The following ZNF385D variants were observed in gnomAD, a reference collection of about 807,000 sequenced individuals.
The protein encoded by ZNF385D is zinc finger protein 659.
In ZNF385D, 15 loss-of-function variants were observed where a neutral mutation model predicts 35.8. That is an observed-to-expected ratio of 0.42 (90% CI 0.28 to 0.64). ZNF385D has a LOEUF of 0.64. Ranked by LOEUF, ZNF385D falls within the 30% of genes least tolerant of loss-of-function variation. ZNF385D has a pLI of 0.23. For missense variants in ZNF385D, 474 were observed against 494.6 expected (o/e 0.96, Z 0.39); for synonymous variants, 212 against 186.8 (o/e 1.13, Z -1.10).
intron 4 of ZNF385D, among the ~76,000 whole-genome samples, chr3:21,462,710 G>A (rs7623998): frequency 0.27 from 41,066 of 152,152 alleles, 6,192 homozygotes; most frequent in Middle Eastern, 0.42. Flanking sequence ...GGCCAGGCAC[G>A]GTGGCTTACG....
intron 3 of ZNF385D, among the ~76,000 whole-genome samples, chr3:21,997,557 G>GAAA (rs35859359): frequency 5.9e-4 from 86 of 145,220 alleles, no homozygotes; most frequent in African/African-American, 1.4e-3. Context: ...TATCTCTGCA[G>GAAA]AAAAAAAAAA....
intron 3 of ZNF385D, among the ~76,000 whole-genome samples, chr3:21,804,088 A>C (rs2072527344): frequency 6.6e-6 from 1 of 152,234 alleles, no homozygotes; most frequent in Non-Finnish European, 1.5e-5. Context: ...TTCAGTTGAG[A>C]AATCAGTGCT....
chr3:22,086,391 C>T (rs1393837824), intron 3 of ZNF385D, among the ~76,000 whole-genome samples: 1 of 151,656 alleles, frequency 6.6e-6, no homozygotes, highest in Non-Finnish European at 1.5e-5. Context: ...AAATCACAAG[C>T]ATTCCTATAC....
Position 22,319,571 on chromosome 3 carries a change from G to A in ZNF385D, c.106+52879C>T, listed in dbSNP as rs533767732. Among the ~76,000 whole-genome samples, 35 of 152,230 alleles carry A rather than the reference G, an allele frequency of 2.3e-4. No individual in the cohort carries two copies. The South Asian group carries it at 7.3e-3, about 32-fold the overall frequency. On this transcript the variant is annotated intron_variant, in intron 2 of 5. Transcript: ENST00000494108. Reference sequence around the variant, plus strand: ...GAATCAAAAGATGTCTCATTAAAATGCATACAGAGCTAGCAATAGCAGGGT... The same window carrying A: ...GAATCAAAAGATGTCTCATTAAAATACATACAGAGCTAGCAATAGCAGGGT...
intron 3 of ZNF385D, among the ~76,000 whole-genome samples, chr3:21,979,012 G>T (rs963718021): frequency 6.6e-6 from 1 of 151,694 alleles, no homozygotes; most frequent in Admixed American, 6.6e-5. Flanking sequence ...CAAAATTCAG[G>T]CTCACCAGCT....
intron 3 of ZNF385D, among the ~76,000 whole-genome samples, chr3:21,874,575 A>G (rs1275303045): frequency 3.9e-5 from 6 of 152,042 alleles, no homozygotes; most frequent in Non-Finnish European, 8.8e-5. Flanking sequence ...GTCTGTCTTT[A>G]AAATGGCACC....
In ZNF385D at chr3:21,561,473, C is replaced by T. The variant is rs117611888; in HGVS notation, c.276+3101G>A. On this transcript the variant is annotated intron_variant, in intron 3 of 7. Coordinates refer to ENST00000281523, the MANE Select transcript of ZNF385D (RefSeq NM_024697.3). Reference sequence around the variant, plus strand: ...GCTTCTGCTCGCCCTCTGTGGGCAGCACCCACTGTCCAACCAGTCCCAATG... The same window carrying T: ...GCTTCTGCTCGCCCTCTGTGGGCAGTACCCACTGTCCAACCAGTCCCAATG... Among the ~76,000 whole-genome samples the T allele has an allele frequency of 6.8e-3, 1,038 of 152,294 alleles. 15 individuals are homozygous for T. The highest frequency in any genetic ancestry group is 0.043 in the South Asian group (209 of 4,828).
chr3:21,804,447 G>A (rs2072543496), intron 3 of ZNF385D, among the ~76,000 whole-genome samples: 1 of 152,148 alleles, frequency 6.6e-6, no homozygotes, highest in Non-Finnish European at 1.5e-5. Flanking sequence ...TCACAAGGAA[G>A]TGCCTTGACT....
At chr3:22,290,440 C>G (rs1000839792) in intron 2 of ZNF385D, among the ~76,000 whole-genome samples, 2 of 152,134 alleles carry the variant, frequency 1.3e-5, no homozygotes, top group Admixed American at 1.3e-4. Flanking sequence ...AGCCACACCA[C>G]AACACAGGGT....
At chr3:22,262,015 T>C (rs1185905485) in intron 2 of ZNF385D, among the ~76,000 whole-genome samples, 1 of 152,020 alleles carries the variant, frequency 6.6e-6, no homozygotes, top group African/African-American at 2.4e-5. Context: ...GATTGATCCA[T>C]TAATATTTTT....
At chr3:21,911,597 A>T (rs1699967327) in intron 3 of ZNF385D, among the ~76,000 whole-genome samples, 1 of 151,998 alleles carries the variant, frequency 6.6e-6, no homozygotes, top group East Asian at 1.9e-4. Context: ...TTGACTGAAT[A>T]AATTGGAAAT....
chr3:22,302,803 T>C (rs1407120739), intron 2 of ZNF385D, among the ~76,000 whole-genome samples: 1 of 152,152 alleles, frequency 6.6e-6, no homozygotes, highest in African/African-American at 2.4e-5. Flanking sequence ...TGTCTTTCAT[T>C]AAATTTATTC....
rs112867527 is a variant in ZNF385D, at chr3:22,090,528, T to C, written c.325+78289A>G. On this transcript the variant is annotated intron_variant, in intron 3 of 5. Coordinates refer to the ZNF385D transcript ENST00000494108. The stretch of plus-strand genomic sequence containing the variant: ...AGAGAAAAAAAAAATAAGCTCTCAG[T>C]TCAATTCACAGCCTAAGGGTCAGAG... Among the ~76,000 whole-genome samples, 1,350 of 152,142 alleles carry C rather than the reference T, an allele frequency of 8.9e-3. 7 individuals carry two copies. The highest frequency in any genetic ancestry group is 0.051 in the Middle Eastern group (15 of 294).
intron 2 of ZNF385D, among the ~76,000 whole-genome samples, chr3:21,573,168 T>C (rs3911497): frequency 0.014 from 2,122 of 152,242 alleles, 50 homozygotes; most frequent in African/African-American, 0.048. Flanking sequence ...AAAGGAAATG[T>C]CTACACCCTC....
upstream of ZNF385D, among the ~76,000 whole-genome samples, chr3:21,754,947 T>A (rs1458791251): frequency 6.6e-6 from 1 of 152,200 alleles, no homozygotes; most frequent in Non-Finnish European, 1.5e-5. Flanking sequence ...GTCAGTTCTT[T>A]GAGGTTGGTT....
At chr3:22,079,735 G>GT (rs930230213) in intron 3 of ZNF385D, among the ~76,000 whole-genome samples, 15 of 151,890 alleles carry the variant, frequency 9.9e-5, no homozygotes, top group African/African-American at 2.9e-4. Context: ...TTGAAGGATG[G>GT]TTTTTTCCTT....
intron 3 of ZNF385D, among the ~76,000 whole-genome samples, chr3:22,042,306 CTTAGA>C (rs1201277998): frequency 5.9e-5 from 9 of 152,040 alleles, no homozygotes; most frequent in Middle Eastern, 3.2e-3. Context: ...CCACAAGGAA[CTTAGA>C]TTAGTGTATG....
At chr3:22,191,846 A>C (rs1696054077) in intron 2 of ZNF385D, among the ~76,000 whole-genome samples, 2 of 152,206 alleles carry the variant, frequency 1.3e-5, no homozygotes, top group Admixed American at 1.3e-4. Context: ...GAGAAAAACA[A>C]GGAGAATGTA....
chr3:21,691,051 CT>C (rs1386454984), intron 1 of ZNF385D, among the ~76,000 whole-genome samples: 8 of 152,112 alleles, frequency 5.3e-5, no homozygotes, highest in Non-Finnish European at 1.0e-4. Flanking sequence ...CTTTCAACCC[CT>C]CCTTTTTTCC....
Sources: gnomAD v4.1 joint callset for allele counts (sites outside exome capture counted in the v4.1 genomes callset) on GRCh38, gnomAD v4.1.1 for gene constraint, MANE v1.5 for transcripts, NCBI Gene and HGNC (gene_info 2026-07-23, HGNC 2026-07-21) for gene names.